The following TBC1D24 variants were observed in gnomAD, a reference collection of about 807,000 sequenced individuals.
TBC1D24 encodes TBC1 domain family member 24.
In TBC1D24, 47 loss-of-function variants were observed where a neutral mutation model predicts 50.7. The observed-to-expected ratio is 0.93, with a 90% confidence interval of 0.73 to 1.18. The LOEUF is 1.18. Among genes scored for constraint, TBC1D24 ranks in the 50% most tolerant of loss-of-function variants. TBC1D24 has a pLI of 0.00. For missense variants in TBC1D24, 688 were observed against 766.5 expected (o/e 0.90, Z 1.21); for synonymous variants, 324 against 335.2 (o/e 0.97, Z 0.36).
Position 2,505,506 on chromosome 16 carries a change from A to T in TBC1D24, c.*4548A>T, listed in dbSNP as rs1250211605. 6.6e-6 allele frequency: 1 copy of T among 152,182 alleles called. No individual in the cohort carries two copies. Among genetic ancestry groups the T allele is most frequent in the Non-Finnish European group, 1.5e-5 (1 of 68,038 alleles). The allele number at this position is 152,182 out of a possible 1,614,324, so 9.4% of individuals were successfully genotyped here. A position where few individuals can be genotyped will look rare whatever the true frequency, so the allele number is the denominator to read the frequency against. Reference sequence around the variant, plus strand: ...AAGGGAAAAAATAGTTGTGTGAATGATTTTACCTCTTAGTTCTTACGAAGG... The same window carrying T: ...AAGGGAAAAAATAGTTGTGTGAATGTTTTTACCTCTTAGTTCTTACGAAGG... On this transcript the variant is annotated 3_prime_UTR_variant, in exon 8 of 8. Transcript: ENST00000646147.
chr16:2,497,605 C>T (rs1308612626), intron 2 of TBC1D24, 105 bp from the exon 3 acceptor site: 1 of 1,202,668 alleles, frequency 8.3e-7, no homozygotes, highest in Non-Finnish European at 1.2e-6. Flanking sequence ...AGCCCTCTTT[C>T]TTCTGGGCCA....
In TBC1D24 at chr16:2,496,235, C is replaced by T. The variant is rs768933496; in HGVS notation, c.87C>T (p.Cys29=). The T allele has an allele frequency of 3.7e-6, 6 of 1,613,958 alleles. No homozygotes were observed. The highest frequency in any genetic ancestry group is 1.6e-4 in the Middle Eastern group (1 of 6,062). ...ACCTGGGGCCCAAGGAGCTGAGCTG[C>T]ACTGAACTGCAGGAACTGAAGCAGC... ...IQDLGPKELS[C]TELQELKQLA... Residue 29 remains cysteine (C), a synonymous_variant, in exon 2 of 8, where the codon TGC becomes TGT. Coordinates refer to ENST00000646147, the MANE Select transcript of TBC1D24 (RefSeq NM_001199107.2).
At chr16:2,477,121 G>C (rs1389240579) in intron 1 of TBC1D24, 1 of 152,214 alleles carries the variant, frequency 6.6e-6, no homozygotes, top group Non-Finnish European at 1.5e-5. Context: ...CTCTGTAAAT[G>C]GAAGAAAGAA....
At chr16:2,495,916 C>A in intron 1 of TBC1D24, 118 bp from the exon 2 acceptor site, 1 of 534,420 alleles carries the variant, frequency 1.9e-6, no homozygotes, top group Non-Finnish European at 3.3e-6. Context: ...CCAACCTGGG[C>A]AACAGAGCGA....
chr16:2,489,376 G>A (rs1429713019), intron 1 of TBC1D24, among the ~76,000 whole-genome samples: 3 of 152,178 alleles, frequency 2.0e-5, no homozygotes, highest in Non-Finnish European at 4.4e-5. Flanking sequence ...AGTTTGCAGG[G>A]AGCCGAGATC....
chr16:2,490,439 A>G (rs1210331302), intron 1 of TBC1D24, among the ~76,000 whole-genome samples: 3 of 152,178 alleles, frequency 2.0e-5, no homozygotes, highest in Non-Finnish European at 4.4e-5. Flanking sequence ...CATGGCGAGC[A>G]GCGATTCGCT....
In TBC1D24 at chr16:2,497,101, T is replaced by C; in HGVS notation, c.953T>C (p.Val318Ala). The change falls in exon 2 of 8, where the codon GTG (valine) becomes GCG (alanine). Residue 318 changes from valine to alanine, a missense_variant. Coordinates refer to ENST00000646147, the MANE Select transcript of TBC1D24 (RefSeq NM_001199107.2). ...EKALKQKGIT[V>A]KQKSVSLSKR... ...GCCCTGAAGCAGAAGGGCATCACCG[T>C]GAAGCAGAAGAGGTAGGTCGCCGGC... 6.2e-7 allele frequency: 1 copy of C among 1,603,870 alleles called. No homozygotes were observed. The highest frequency in any genetic ancestry group is 8.5e-7 in the Non-Finnish European group (1 of 1,179,918).
Position 2,500,385 on chromosome 16 carries a change from GA to G in TBC1D24, c.1421del (p.Asp474AlafsTer49). 1 of 1,604,578 alleles carries G rather than the reference GA, an allele frequency of 6.2e-7. No homozygotes were observed. Among genetic ancestry groups the G allele is most frequent in the Non-Finnish European group, 8.5e-7 (1 of 1,176,158 alleles). On this transcript the variant is annotated frameshift_variant, in exon 7 of 8. Coordinates refer to ENST00000646147, the MANE Select transcript of TBC1D24 (RefSeq NM_001199107.2). LOFTEE classifies it high-confidence loss of function. The surrounding 1 kb of genome is among the most constrained non-coding windows in gnomAD (Gnocchi z 8.0). ...CCCACTCAGCCACTCCGCCTCCTCA[GA>G]CCCCGCTGACCGCCTCTCGCCCTTC... ...TAPLSHSASSDPADRLSPFLA... is the reference protein window; with the variant it reads ...TAPLSHSASSXPADRLSPFLA...
rs531010267 is a variant in TBC1D24, at chr16:2,503,264, A to T, written c.*2306A>T. On this transcript the variant is annotated 3_prime_UTR_variant, in exon 8 of 8. Coordinates refer to ENST00000646147, the MANE Select transcript of TBC1D24 (RefSeq NM_001199107.2). ...GCAAAATATTGTTTCTTTAAATTTAATATCTTTTCCTAACTTTTCTACTAA... is the reference window on the plus strand; with the variant it reads ...GCAAAATATTGTTTCTTTAAATTTATTATCTTTTCCTAACTTTTCTACTAA... The T allele has an allele frequency of 2.6e-5, 4 of 152,170 alleles. No homozygotes were observed. The highest frequency in any genetic ancestry group is 9.7e-5 in the African/African-American group (4 of 41,444). 9.4% of individuals were successfully genotyped at this position (152,170 alleles called of 1,614,324 possible).
intron 1 of TBC1D24, among the ~76,000 whole-genome samples, chr16:2,491,192 G>A (rs1278677309): frequency 6.6e-6 from 1 of 152,228 alleles, no homozygotes; most frequent in Non-Finnish European, 1.5e-5. Flanking sequence ...TTATCTGTAT[G>A]TGGAAGGGGA....
Position 2,482,709 on chromosome 16 carries a change from G to T in TBC1D24, c.-116+7539G>T, listed in dbSNP as rs1008181102. Among the ~76,000 whole-genome samples the T allele has an allele frequency of 1.3e-5, 2 of 152,184 alleles. No individual in the cohort carries two copies. Among genetic ancestry groups the T allele is most frequent in the Non-Finnish European group, 2.9e-5 (2 of 68,040 alleles). The stretch of plus-strand genomic sequence containing the variant: ...GGAGTGTGAATGTTGTGACTGTACC[G>T]GAGACACCTGGGAAGCAGCTGGAGG... On this transcript the variant is annotated intron_variant, in intron 1 of 7. Coordinates refer to ENST00000646147, the MANE Select transcript of TBC1D24 (RefSeq NM_001199107.2). The surrounding 1 kb of genome is among the most constrained non-coding windows in gnomAD (Gnocchi z 5.2).
At chr16:2,492,026 G>T (rs1452884268) in intron 1 of TBC1D24, among the ~76,000 whole-genome samples, 1 of 150,504 alleles carries the variant, frequency 6.6e-6, no homozygotes, top group African/African-American at 2.4e-5. Flanking sequence ...TTTTGGTAGA[G>T]ATGAGGTCTC....
chr16:2,498,291 G>C lies in TBC1D24; in HGVS notation c.1037G>C (p.Ser346Thr). 6.2e-7 allele frequency: 1 copy of C among 1,611,860 alleles called. No homozygotes were observed. The highest frequency in any genetic ancestry group is 8.5e-7 in the Non-Finnish European group (1 of 1,179,018). The part of the protein sequence containing the change: ...HAENFRSEIV[S>T]VREMRDIWSW... ...GAGAACTTCCGCTCGGAGATCGTCA[G>C]CGTGAGGGAGATGAGAGACATCTGG... Residue 346 changes from serine to threonine, a missense_variant, in exon 4 of 8, where the codon AGC becomes ACC. Ser to Thr is a moderately conservative substitution (Grantham distance 58). Coordinates refer to ENST00000646147, the MANE Select transcript of TBC1D24 (RefSeq NM_001199107.2).
chr16:2,498,192 G>A (rs564178588), intron 3 of TBC1D24, 46 bp from the exon 4 acceptor site: 23 of 1,556,786 alleles, frequency 1.5e-5, no homozygotes, highest in Admixed American at 1.9e-5. Flanking sequence ...GCATGGCCTG[G>A]CCCCAGACGT....
Position 2,487,599 on chromosome 16 carries a change from T to C in TBC1D24, c.-115-8435T>C, listed in dbSNP as rs944025590. Among the ~76,000 whole-genome samples the C allele has an allele frequency of 6.6e-6, 1 of 152,210 alleles. No individual in the cohort carries two copies. The highest frequency in any genetic ancestry group is 2.4e-5 in the African/African-American group (1 of 41,534). ...TGACTCAGGCTGTCAGGCCTGGAGT[T>C]TGGTGCTGGAGTTTTGTGCTGGAGT... On this transcript the variant is annotated intron_variant, in intron 1 of 7. Transcript: ENST00000646147. The surrounding 1 kb of genome is among the most constrained non-coding windows in gnomAD (Gnocchi z 4.1).
In TBC1D24 at chr16:2,496,531, TCTC is replaced by T. The variant is rs2065741345; in HGVS notation, c.386_388del (p.Ser129del). The T allele has an allele frequency of 1.2e-6, 2 of 1,608,608 alleles. No homozygotes were observed. Among genetic ancestry groups the T allele is most frequent in the Non-Finnish European group, 1.7e-6 (2 of 1,179,952 alleles). On this transcript the variant is annotated inframe_deletion, in exon 2 of 8. Transcript: ENST00000646147. Reference sequence around the variant, plus strand: ...TGCCTGGCCAACCAGTTCCCCGACATCTCCTTCTGCCCCGCCCTGCCGGCCGTG... The same window carrying T: ...TGCCTGGCCAACCAGTTCCCCGACATCTTCTGCCCCGCCCTGCCGGCCGTG...
In TBC1D24 at chr16:2,500,568, G is replaced by C; in HGVS notation, c.1525+78G>C. 1 of 1,456,928 alleles carries C rather than the reference G, an allele frequency of 6.9e-7. No homozygotes were observed. The highest frequency in any genetic ancestry group is 9.2e-7 in the Non-Finnish European group (1 of 1,082,494). The allele number at this position is 1,456,928 out of a possible 1,614,324, so 90.3% of individuals were successfully genotyped here. On this transcript the variant is annotated intron_variant, in intron 7 of 7. Transcript: ENST00000646147. This position sits in a 1 kb window ranked among gnomAD's most constrained non-coding sequence, Gnocchi z 8.0. ...GAAGCTGCTGCACCCAGCCCTCCCT[G>C]ACCGGGGTGGCAGAGAAGAGGCCCT...
In TBC1D24 at chr16:2,500,823, G is replaced by GC; in HGVS notation, c.1546dup (p.Leu516ProfsTer42). ...CTGCAGGGGGAGGAGGCGGCCAGGCGCTCTACATCGATGGGGACCTGAACC... is the reference window on the plus strand; with the variant it reads ...CTGCAGGGGGAGGAGGCGGCCAGGCGCCTCTACATCGATGGGGACCTGAACC... On this transcript the variant is annotated frameshift_variant, in exon 8 of 8. Coordinates refer to ENST00000646147, the MANE Select transcript of TBC1D24 (RefSeq NM_001199107.2). LOFTEE classifies it high-confidence loss of function. The surrounding 1 kb of genome is among the most constrained non-coding windows in gnomAD (Gnocchi z 8.0). The GC allele has an allele frequency of 6.2e-7, 1 of 1,606,728 alleles. No individual in the cohort carries two copies. The highest frequency in any genetic ancestry group is 8.5e-7 in the Non-Finnish European group (1 of 1,179,772).
In TBC1D24 at chr16:2,485,917, C is replaced by A. The variant is rs748118021; in HGVS notation, c.-115-10117C>A. Among the ~76,000 whole-genome samples the A allele has an allele frequency of 3.9e-5, 6 of 152,220 alleles. No homozygotes were observed. Among genetic ancestry groups the A allele is most frequent in the Non-Finnish European group, 4.4e-5 (3 of 68,046 alleles). On this transcript the variant is annotated intron_variant, in intron 1 of 7. Coordinates refer to ENST00000646147, the MANE Select transcript of TBC1D24 (RefSeq NM_001199107.2). This position sits in a 1 kb window ranked among gnomAD's most constrained non-coding sequence, Gnocchi z 4.6. ...CACCGTCCCTACCATTCCCACCTGG[C>A]CCGCTGCTGCCTGTGCCCCAGGGTT... is the stretch of plus-strand genomic sequence containing the variant.
Sources: gnomAD v4.1 joint callset for allele counts (sites outside exome capture counted in the v4.1 genomes callset) on GRCh38, gnomAD v4.1.1 for gene constraint, Gnocchi (gnomAD v3.1) non-coding constraint, MANE v1.5 for transcripts, NCBI Gene and HGNC (gene_info 2026-07-23, HGNC 2026-07-21) for gene names.